The following SLC25A18 variants were observed in gnomAD, a reference collection of about 807,000 sequenced individuals.
SLC25A18 encodes the protein solute carrier family 25 member 18.
A neutral mutation model predicts 31.1 loss-of-function variants in SLC25A18; 24 were observed. The ratio of observed to expected loss-of-function variants is 0.77; its 90% CI spans 0.56 to 1.08. The LOEUF is 1.08. SLC25A18 is among the 50% of genes least tolerant of loss of function. The pLI, the probability that SLC25A18 is intolerant of heterozygous loss-of-function variation, is 0.00. For synonymous variants in SLC25A18, 173 were observed against 161.9 expected (o/e 1.07, Z -0.52); for missense variants, 371 against 418.5 (o/e 0.89, Z 0.99).
chr22:17,588,505 C>A, intron 9 of SLC25A18: 1 of 183,834 alleles, frequency 5.4e-6, no homozygotes, highest in Non-Finnish European at 1.1e-5. Context: ...AAAAAATTAG[C>A]AGAGTGTGGT....
In SLC25A18 at chr22:17,579,883, C is replaced by G; in HGVS notation, c.-62C>G. ...CTTCCACTTCTTCCCCCAGACAGCC[C>G]CAACAGCGGCTACCCCAAGGAGCCA... is the stretch of plus-strand genomic sequence containing the variant. On this transcript the variant is annotated 5_prime_UTR_variant, in exon 3 of 11. Coordinates refer to ENST00000327451, the MANE Select transcript of SLC25A18 (RefSeq NM_031481.3). The G allele has an allele frequency of 6.3e-7, 1 of 1,581,440 alleles. No homozygotes were observed. Among genetic ancestry groups the G allele is most frequent in the East Asian group, 2.3e-5 (1 of 43,640 alleles).
intron 2 of SLC25A18, among the ~76,000 whole-genome samples, chr22:17,575,781 C>T (rs952908988): frequency 4.6e-5 from 7 of 152,158 alleles, no homozygotes; most frequent in African/African-American, 1.4e-4. Flanking sequence ...TGCTATTTCC[C>T]GTGTATCAAA....
chr22:17,565,212 C>T (rs2146197639), intron 1 of SLC25A18, among the ~76,000 whole-genome samples: 1 of 152,180 alleles, frequency 6.6e-6, no homozygotes, highest in Non-Finnish European at 1.5e-5. Flanking sequence ...TCCCGAGTAG[C>T]TGGGACTACA....
intron 10 of SLC25A18, 149 bp from the exon 11 acceptor site, chr22:17,589,946 G>A (rs976144582): frequency 3.5e-6 from 4 of 1,152,936 alleles, no homozygotes; most frequent in Non-Finnish European, 4.9e-6. Context: ...CCTAGCGGGC[G>A]AGGCACAGCT....
chr22:17,584,491 G>C (rs1601331993), intron 7 of SLC25A18, among the ~76,000 whole-genome samples: 1 of 143,104 alleles, frequency 7.0e-6, no homozygotes, highest in Admixed American at 7.0e-5. Context: ...AAGAAAGAAA[G>C]AAATGCCGCC....
At chr22:17,587,401 A>G in intron 8 of SLC25A18, 100 bp downstream of exon 8, 7 of 1,418,742 alleles carry the variant, frequency 4.9e-6, no homozygotes, top group African/African-American at 1.4e-5. Context: ...TTCCCAGAAT[A>G]TCCAAACCCA....
At chr22:17,589,981 T>G in intron 10 of SLC25A18, 114 bp from the exon 11 acceptor site, 9 of 1,433,554 alleles carry the variant, frequency 6.3e-6, no homozygotes, top group Non-Finnish European at 8.5e-6. Context: ...CTCTTGCTCT[T>G]GTTGTGGAAG....
At chr22:17,578,251 G>A (rs761072984) in intron 2 of SLC25A18, among the ~76,000 whole-genome samples, 16 of 152,146 alleles carry the variant, frequency 1.1e-4, no homozygotes, top group South Asian at 8.3e-4. Flanking sequence ...AATTACAGGC[G>A]TGAGCCACTG....
chr22:17,586,862 G>C (rs1201861073), intron 7 of SLC25A18, among the ~76,000 whole-genome samples: 1 of 152,220 alleles, frequency 6.6e-6, no homozygotes, highest in Admixed American at 6.5e-5. Flanking sequence ...GAGCCCTAAG[G>C]AACGTGGCGG....
chr22:17,576,056 A>C (rs760530569), intron 2 of SLC25A18, among the ~76,000 whole-genome samples: 2 of 152,110 alleles, frequency 1.3e-5, no homozygotes, highest in Non-Finnish European at 2.9e-5. Context: ...ATTCCTTCAG[A>C]AAAGAAGGTA....
At chr22:17,565,662 G>C (rs939800439) in intron 1 of SLC25A18, among the ~76,000 whole-genome samples, 1 of 152,050 alleles carries the variant, frequency 6.6e-6, no homozygotes, top group East Asian at 1.9e-4. Context: ...GAGGTGGGGA[G>C]TTCAAGACCA....
intron 1 of SLC25A18, among the ~76,000 whole-genome samples, chr22:17,565,673 G>A (rs540179231): frequency 2.8e-4 from 43 of 151,846 alleles, no homozygotes; most frequent in Admixed American, 5.3e-4. Context: ...TTCAAGACCA[G>A]CCTGACAAAC....
intron 2 of SLC25A18, among the ~76,000 whole-genome samples, chr22:17,575,148 C>G (rs1045032880): frequency 6.6e-6 from 1 of 152,078 alleles, no homozygotes; most frequent in Non-Finnish European, 1.5e-5. Flanking sequence ...CACTGTGCCC[C>G]GTGCTCTCTT....
chr22:17,585,355 A>C (rs1601336110), intron 7 of SLC25A18: 1 of 151,924 alleles, frequency 6.6e-6, no homozygotes, highest in Non-Finnish European at 1.5e-5. Context: ...GCACCATTGC[A>C]CTCCAGCCTA....
At chr22:17,584,781 CAAAAAAAA>C (rs66948770) in intron 7 of SLC25A18, among the ~76,000 whole-genome samples, 5 of 20,066 alleles carry the variant, frequency 2.5e-4, no homozygotes, top group Non-Finnish European at 4.3e-4. Context: ...GAATTCATCT[CAAAAAAAA>C]AAAAAAAAAA....
intron 2 of SLC25A18, among the ~76,000 whole-genome samples, chr22:17,577,168 G>A (rs1205851460): frequency 1.3e-5 from 2 of 152,172 alleles, no homozygotes; most frequent in African/African-American, 4.8e-5. Context: ...GACGACAGGC[G>A]CCCACCACCA....
At chr22:17,578,772 T>C (rs945327110) in intron 2 of SLC25A18, among the ~76,000 whole-genome samples, 2 of 152,182 alleles carry the variant, frequency 1.3e-5, no homozygotes, top group African/African-American at 2.4e-5. Context: ...TGGTGGCACA[T>C]GCCTGTAATC....
chr22:17,572,047 T>C (rs1333548739), intron 2 of SLC25A18, among the ~76,000 whole-genome samples: 1 of 141,744 alleles, frequency 7.1e-6, no homozygotes, highest in South Asian at 2.2e-4. Flanking sequence ...CTTTGCCAGG[T>C]GTGGTGGTGC....
chr22:17,579,543 C>T (rs995380656), intron 2 of SLC25A18, among the ~76,000 whole-genome samples: 1 of 152,186 alleles, frequency 6.6e-6, no homozygotes, highest in African/African-American at 2.4e-5. Context: ...CCAGCCTCAG[C>T]AGGCTGCTGT....
Sources: allele counts gnomAD v4.1 joint callset (sites outside exome capture counted in the v4.1 genomes callset), GRCh38; gene constraint gnomAD v4.1.1; transcripts MANE v1.5; gene names NCBI Gene and HGNC (gene_info 2026-07-23, HGNC 2026-07-21).